The following L3HYPDH variants were observed in gnomAD, a reference collection of about 807,000 sequenced individuals.
The protein encoded by L3HYPDH is trans-L-3-hydroxyproline dehydratase.
A neutral mutation model predicts 26.5 loss-of-function variants in L3HYPDH; 32 were observed. That is an observed-to-expected ratio of 1.21 (90% CI 0.91 to 1.62). L3HYPDH has a LOEUF of 1.62. Among genes scored for constraint, L3HYPDH ranks in the 40% most tolerant of loss-of-function variants. The pLI is 0.00. For missense variants in L3HYPDH, 554 were observed against 476.4 expected, an observed-to-expected ratio of 1.16 and a Z score of -1.52; for synonymous variants, 215 against 196.6, an observed-to-expected ratio of 1.09 and a Z score of -0.78.
the L3HYPDH span, among the ~76,000 whole-genome samples, chr14:59,492,857 G>A: frequency 6.6e-6 from 1 of 150,598 alleles, no homozygotes; most frequent in African/African-American, 2.4e-5. Flanking sequence ...GAGTGCGGTG[G>A]TGCGACCTCG....
chr14:59,477,490 C>T (rs547709833), intron 2 of L3HYPDH, among the ~76,000 whole-genome samples: 2 of 152,286 alleles, frequency 1.3e-5, no homozygotes, highest in African/African-American at 4.8e-5. Context: ...CACCCCTTGC[C>T]ATCTTGTTGA....
Position 59,484,251 on chromosome 14 carries a change from C to G in L3HYPDH, c.66G>C (p.Val22=). ...PHDPGTPVLS[V]VDMHTGGEPL... is the part of the protein sequence containing the mutation. ...GCTCGCCGCCCGTGTGCATGTCCACCACCGACAGCACCGGCGTCCCTGGAT... is the reference window on the plus strand; with the variant it reads ...GCTCGCCGCCCGTGTGCATGTCCACGACCGACAGCACCGGCGTCCCTGGAT... Residue 22 remains valine, a synonymous_variant, in exon 1 of 5, where the codon GTG becomes GTC. Coordinates refer to ENST00000247194, the MANE Select transcript of L3HYPDH (RefSeq NM_144581.2). 4.4e-6 allele frequency: 7 copies of G among 1,597,840 alleles called. No homozygotes were observed. The highest frequency in any genetic ancestry group is 5.9e-6 in the Non-Finnish European group (7 of 1,179,578).
the L3HYPDH span, among the ~76,000 whole-genome samples, chr14:59,498,443 T>G: frequency 6.6e-6 from 1 of 152,232 alleles, no homozygotes; most frequent in Non-Finnish European, 1.5e-5. Flanking sequence ...CCTGGTTGTT[T>G]CCCTTGGATA....
Position 59,484,353 on chromosome 14 carries a change from T to A in L3HYPDH, c.-37A>T, listed in dbSNP as rs757830304. 1 of 1,548,126 alleles carries A rather than the reference T, an allele frequency of 6.5e-7. No individual in the cohort carries two copies. The highest frequency in any genetic ancestry group is 1.2e-5 in the South Asian group (1 of 83,892). The stretch of plus-strand genomic sequence containing the variant: ...GGGGAGACGAGTACGGTCCCGCAGC[T>A]ATGGCTTCAAGCCCGACCCTCACCC... On this transcript the variant is annotated 5_prime_UTR_variant, in exon 1 of 5. Transcript: ENST00000247194.
At chr14:59,505,202 G>T in the L3HYPDH span, 1 of 1,122,202 alleles carries the variant, frequency 8.9e-7, no homozygotes, top group Non-Finnish European at 1.2e-6. Flanking sequence ...TCCTGTAGTA[G>T]TCTGTCTTTT....
At chr14:59,485,212 T>C, upstream of L3HYPDH, 3 of 1,344,418 alleles carry the variant, frequency 2.2e-6, no homozygotes, top group Non-Finnish European at 3.1e-6. Context: ...TCACGTGTAT[T>C]TATTAAGCAT....
the L3HYPDH span, among the ~76,000 whole-genome samples, chr14:59,502,773 T>TTTTTTTTTTTTTTTTTTTTTTTTTTTTTG: frequency 4.9e-5 from 5 of 102,832 alleles, no homozygotes; most frequent in Admixed American, 1.2e-4. Flanking sequence ...TTTTTTTTTT[T>TTTTTTTTTTTTTTTTTTTTTTTTTTTTTG]CGGAGTCTCA....
chr14:59,480,985 C>A (rs537958489), intron 1 of L3HYPDH, among the ~76,000 whole-genome samples: 19 of 152,286 alleles, frequency 1.2e-4, no homozygotes, highest in African/African-American at 4.6e-4. Flanking sequence ...ATTGTAACAA[C>A]TAAATGGGGC....
chr14:59,502,755 T>TGTTTTTTTTTTTTTGTTTTTTTGTTTTG, the L3HYPDH span, among the ~76,000 whole-genome samples: 8 of 122,914 alleles, frequency 6.5e-5, no homozygotes, highest in South Asian at 2.7e-4. Flanking sequence ...ATGAGATTTT[T>TGTTTTTTTTTTTTTGTTTTTTTGTTTTG]TTTTTTTTTT....
chr14:59,466,943 A>G (rs892545776), intron 1 of L3HYPDH, among the ~76,000 whole-genome samples: 7 of 152,196 alleles, frequency 4.6e-5, no homozygotes, highest in Admixed American at 1.3e-4. Context: ...AGTCAATGCC[A>G]GCTTAATCTA....
At chr14:59,489,864 T>C in the L3HYPDH span, among the ~76,000 whole-genome samples, 1 of 141,910 alleles carries the variant, frequency 7.0e-6, no homozygotes, top group South Asian at 2.3e-4. Flanking sequence ...CACATGGTGA[T>C]AGGGGGAGGA....
At chr14:59,495,572 A>C in the L3HYPDH span, among the ~76,000 whole-genome samples, 1 of 152,238 alleles carries the variant, frequency 6.6e-6, no homozygotes, top group African/African-American at 2.4e-5. Context: ...TTCTGTTAGA[A>C]TGTTTTGTTT....
At chr14:59,489,867 G>C in the L3HYPDH span, among the ~76,000 whole-genome samples, 1 of 131,650 alleles carries the variant, frequency 7.6e-6, no homozygotes, top group Non-Finnish European at 1.6e-5. Context: ...ATGGTGATAG[G>C]GGGAGGAGGT....
the L3HYPDH span, chr14:59,498,599 G>C: frequency 3.6e-6 from 2 of 548,270 alleles, no homozygotes; most frequent in Non-Finnish European, 6.1e-6. Context: ...CCACCAATCT[G>C]AATATCCAAT....
At chr14:59,468,284 A>G (rs7146947), downstream of L3HYPDH, among the ~76,000 whole-genome samples, 61,093 of 152,062 alleles carry the variant, frequency 0.4, 13,116 homozygotes, top group African/African-American at 0.54. Context: ...AATCCTTAAT[A>G]TTTCCTACAA....
At chr14:59,469,580 A>G (rs1001811186), downstream of L3HYPDH, among the ~76,000 whole-genome samples, 128 of 150,002 alleles carry the variant, frequency 8.5e-4, no homozygotes, top group African/African-American at 3.0e-3. Context: ...AAAAAAAAAA[A>G]AAAAAAAGGT....
intron 1 of L3HYPDH, among the ~76,000 whole-genome samples, chr14:59,481,254 A>G (rs562740046): frequency 6.6e-6 from 1 of 152,338 alleles, no homozygotes; most frequent in South Asian, 2.1e-4. Context: ...TAAATTACTA[A>G]CATTAAAAAT....
At chr14:59,474,566 C>A (rs1458033712) in intron 4 of L3HYPDH, 1 of 697,022 alleles carries the variant, frequency 1.4e-6, no homozygotes, top group African/African-American at 1.8e-5. Context: ...CTTTGTCTGA[C>A]AGCAATATAA....
chr14:59,497,038 A>C, the L3HYPDH span, among the ~76,000 whole-genome samples: 2 of 150,446 alleles, frequency 1.3e-5, no homozygotes, highest in Non-Finnish European at 2.9e-5. Flanking sequence ...AAGCAATAGC[A>C]CACAGTTACC....
Sources: allele counts gnomAD v4.1 joint callset (sites outside exome capture counted in the v4.1 genomes callset), GRCh38; gene constraint gnomAD v4.1.1; transcripts MANE v1.5; gene names NCBI Gene and HGNC (gene_info 2026-07-23, HGNC 2026-07-21).